Variants in SHB observed in about 807,000 individuals in gnomAD.
SHB encodes SH2 domain containing adaptor protein B.
SHB carries 20 observed loss-of-function variants against 52.3 expected under a neutral mutation model. The observed-to-expected ratio is 0.38, with a 90% CI of 0.27 to 0.56. The LOEUF is 0.56. Ranked by LOEUF, SHB falls within the 20% of genes least tolerant of loss-of-function variation. SHB has a pLI of 0.71. For synonymous variants in SHB, 397 were observed against 316.5 expected, an observed-to-expected ratio of 1.25 and a Z score of -2.70; for missense variants, 825 against 723.3, an observed-to-expected ratio of 1.14 and a Z score of -1.61.
chr9:37,996,518 T>A (rs1423507884), intron 2 of SHB, among the ~76,000 whole-genome samples: 1 of 152,224 alleles, frequency 6.6e-6, no homozygotes, highest in Admixed American at 6.5e-5. Flanking sequence ...AAAAATTTGG[T>A]AATTCAATGA....
Position 38,068,494 on chromosome 9 carries a change from G to T in SHB, c.152C>A (p.Ala51Asp), listed in dbSNP as rs1822007493. 6.7e-7 allele frequency: 1 copy of T among 1,498,238 alleles called. No homozygotes were observed. The highest frequency in any genetic ancestry group is 1.2e-5 in the South Asian group (1 of 80,066). 92.8% of individuals were successfully genotyped at this position (1,498,238 alleles called of 1,614,324 possible). A position where few individuals can be genotyped will look rare whatever the true frequency, so the allele number is the denominator to read the frequency against. The change falls in exon 1 of 6, where the codon GCC (alanine) becomes GAC (aspartate). Residue 51 changes from alanine to aspartate, a missense_variant. Transcript: ENST00000377707. Reference sequence around the variant, plus strand: ...GGTGGCCGGACCGCAGGACGCCGAGGCGGCGGAGGAGGCCTGCGGCACGGC... The same window carrying T: ...GGTGGCCGGACCGCAGGACGCCGAGTCGGCGGAGGAGGCCTGCGGCACGGC... ...PQAVPQASSA[A>D]SASCGPATAS...
Position 38,068,501 on chromosome 9 carries a change from A to G in SHB, c.145T>C (p.Ser49Pro). 6.7e-7 allele frequency: 1 copy of G among 1,492,956 alleles called. No homozygotes were observed. The highest frequency in any genetic ancestry group is 8.9e-7 in the Non-Finnish European group (1 of 1,127,998). The allele number at this position is 1,492,956 out of a possible 1,614,324, so 92.5% of individuals were successfully genotyped here. A position where few individuals can be genotyped will look rare whatever the true frequency, so the allele number is the denominator to read the frequency against. The stretch of plus-strand genomic sequence containing the variant: ...GGACCGCAGGACGCCGAGGCGGCGG[A>G]GGAGGCCTGCGGCACGGCCTGGGGG... Reference protein sequence around the residue: ...QPPQAVPQASSAASASCGPAT... With the variant: ...QPPQAVPQASPAASASCGPAT... The change falls in exon 1 of 6, where the codon TCC (serine) becomes CCC (proline). Residue 49 changes from serine (S) to proline (P), a missense_variant. Coordinates refer to ENST00000377707, the MANE Select transcript of SHB (RefSeq NM_003028.3).
intron 4 of SHB, among the ~76,000 whole-genome samples, chr9:37,950,802 C>T (rs975899819): frequency 2.6e-5 from 4 of 152,196 alleles, no homozygotes; most frequent in African/African-American, 7.2e-5. Context: ...GAGTCTTAAC[C>T]GACGGCAGCT....
At chr9:38,024,362 G>A (rs975969935) in intron 1 of SHB, among the ~76,000 whole-genome samples, 3 of 152,258 alleles carry the variant, frequency 2.0e-5, no homozygotes, top group Non-Finnish European at 4.4e-5. Context: ...CCACATGTCA[G>A]GAGGCTGGGA....
rs1822007796 is a variant in SHB, at chr9:38,068,504, A to C, written c.142T>G (p.Ser48Ala). The change falls in exon 1 of 6, where the codon TCC becomes GCC. Residue 48 changes from serine (S) to alanine (A), a missense_variant. Transcript: ENST00000377707. ...CCGCAGGACGCCGAGGCGGCGGAGG[A>C]GGCCTGCGGCACGGCCTGGGGGGGC... ...SQPPQAVPQASSAASASCGPA... is the reference protein window; with the variant it reads ...SQPPQAVPQAASAASASCGPA... The C allele has an allele frequency of 1.3e-6, 2 of 1,488,694 alleles. No homozygotes were observed. Among genetic ancestry groups the C allele is most frequent in the Non-Finnish European group, 1.8e-6 (2 of 1,126,372 alleles). The allele number at this position is 1,488,694 out of a possible 1,614,324, so 92.2% of individuals were successfully genotyped here.
intron 1 of SHB, among the ~76,000 whole-genome samples, chr9:38,035,826 T>C (rs1480120608): frequency 6.6e-6 from 1 of 152,162 alleles, no homozygotes. Context: ...GCTTTTACAA[T>C]GCACCATGCC....
intron 2 of SHB, among the ~76,000 whole-genome samples, chr9:37,982,775 C>A (rs1327030738): frequency 6.6e-6 from 1 of 151,210 alleles, no homozygotes; most frequent in African/African-American, 2.4e-5. Context: ...CTCCAGCCTG[C>A]GCAACAAGAG....
intron 2 of SHB, among the ~76,000 whole-genome samples, chr9:37,977,950 C>A (rs781627036): frequency 6.6e-6 from 1 of 152,174 alleles, no homozygotes; most frequent in African/African-American, 2.4e-5. Flanking sequence ...GATGTACTTC[C>A]CGTCGGGCCC....
chr9:37,982,224 G>A (rs930828699), intron 2 of SHB, among the ~76,000 whole-genome samples: 1 of 152,230 alleles, frequency 6.6e-6, no homozygotes, highest in Admixed American at 6.5e-5. Context: ...CAGATGTGGT[G>A]GCTCACGCCT....
chr9:37,968,612 GA>G (rs1460431797), intron 3 of SHB, among the ~76,000 whole-genome samples: 1 of 152,228 alleles, frequency 6.6e-6, no homozygotes, highest in Non-Finnish European at 1.5e-5. Context: ...TTCAGATGGT[GA>G]ATCGAAATGA....
chr9:38,042,086 A>G (rs1821588088), intron 1 of SHB, among the ~76,000 whole-genome samples: 1 of 152,216 alleles, frequency 6.6e-6, no homozygotes, highest in African/African-American at 2.4e-5. Flanking sequence ...CCCAGAAGGC[A>G]TCAAGGTTTG....
intron 5 of SHB, among the ~76,000 whole-genome samples, chr9:37,937,223 G>A (rs1832381808): frequency 6.6e-6 from 1 of 152,192 alleles, no homozygotes; most frequent in Non-Finnish European, 1.5e-5. Flanking sequence ...AGAGCTCAGT[G>A]GTGAAAGCCA....
intron 2 of SHB, among the ~76,000 whole-genome samples, chr9:37,975,400 A>G (rs1360146669): frequency 1.3e-5 from 2 of 151,360 alleles, no homozygotes; most frequent in African/African-American, 4.9e-5. Flanking sequence ...CTTTATTTCT[A>G]CCTCCCCCAG....
In SHB at chr9:37,925,338, A is replaced by G. The variant is rs113097026; in HGVS notation, c.1347-5334T>C. 4.8e-3 allele frequency among the ~76,000 whole-genome samples: 728 copies of G among 152,362 alleles called. 5 individuals are homozygous for G. The highest frequency in any genetic ancestry group is 0.017 in the African/African-American group (705 of 41,594). On this transcript the variant is annotated intron_variant, in intron 5 of 5. Transcript: ENST00000377707. ...GCTTTCTCCAGTCAGCAACAGTCCCAGGACGAGCCAGTGAGAACTGGCAGA... is the reference window on the plus strand; with the variant it reads ...GCTTTCTCCAGTCAGCAACAGTCCCGGGACGAGCCAGTGAGAACTGGCAGA...
intron 5 of SHB, among the ~76,000 whole-genome samples, chr9:37,946,532 G>T (rs1209190800): frequency 6.6e-6 from 1 of 152,214 alleles, no homozygotes; most frequent in African/African-American, 2.4e-5. Flanking sequence ...ATAGGCTGCT[G>T]TTCCCTCGAA....
chr9:37,967,825 CCA>C (rs1333205454), intron 3 of SHB, among the ~76,000 whole-genome samples: 1 of 152,232 alleles, frequency 6.6e-6, no homozygotes, highest in African/African-American at 2.4e-5. Context: ...AAAAAGAAAT[CCA>C]CAGACATGTC....
At chr9:38,057,531 C>T (rs558790706) in intron 1 of SHB, among the ~76,000 whole-genome samples, 3 of 152,252 alleles carry the variant, frequency 2.0e-5, no homozygotes, top group African/African-American at 7.2e-5. Flanking sequence ...TCTGAGGAAC[C>T]GGCTCAGAGC....
intron 4 of SHB, among the ~76,000 whole-genome samples, chr9:37,949,392 C>CAA (rs771495216): frequency 8.0e-4 from 40 of 50,168 alleles, no homozygotes; most frequent in East Asian, 3.1e-3. Context: ...GACTCCATCT[C>CAA]AAAAAAAAAA....
intron 4 of SHB, among the ~76,000 whole-genome samples, chr9:37,949,559 G>A (rs777599735): frequency 8.3e-4 from 126 of 152,198 alleles, no homozygotes; most frequent in Non-Finnish European, 7.2e-4. Flanking sequence ...AGGCTGCCTA[G>A]CGTATTCTGG....
Sources: gnomAD v4.1 joint callset for allele counts (sites outside exome capture counted in the v4.1 genomes callset) on GRCh38, gnomAD v4.1.1 for gene constraint, MANE v1.5 for transcripts, NCBI Gene and HGNC (gene_info 2026-07-23, HGNC 2026-07-21) for gene names.